Variants in CPE observed in about 807,000 individuals in gnomAD.
CPE encodes the protein carbocypeptidase E.
Under a neutral mutation model 53.5 loss-of-function variants are expected in CPE, and 17 were observed. The ratio of observed to expected loss-of-function variants is 0.32; its 90% CI spans 0.22 to 0.48. The LOEUF is 0.48. Ranked by LOEUF, CPE falls within the 20% of genes least tolerant of loss-of-function variation. The probability of loss-of-function intolerance (pLI) is 0.99; values close to 1 mark genes in which losing one functional copy is unlikely to be tolerated. For synonymous variants in CPE, 226 were observed against 228.8 expected (o/e 0.99, Z 0.11); for missense variants, 524 against 614.7 (o/e 0.85, Z 1.56).
chr4:165,495,523 A>T lies in CPE; in HGVS notation c.1214-36A>T, dbSNP rs776297054. 118 of 1,380,036 alleles carry T rather than the reference A, an allele frequency of 8.6e-5. No individual in the cohort carries two copies. In the Admixed American group the frequency reaches 1.1e-3, roughly 13 times the overall value. The allele number at this position is 1,380,036 out of a possible 1,614,324, so 85.5% of individuals were successfully genotyped here. A position where few individuals can be genotyped will look rare whatever the true frequency, so the allele number is the denominator to read the frequency against. Reference sequence around the variant, plus strand: ...TGCATTGTGTAATTCTGCATATTTCATGTGCTTTGTGATTTGATATTCTGC... The same window carrying T: ...TGCATTGTGTAATTCTGCATATTTCTTGTGCTTTGTGATTTGATATTCTGC... On this transcript the variant is annotated intron_variant, in intron 7 of 8. Coordinates refer to ENST00000402744, the MANE Select transcript of CPE (RefSeq NM_001873.4).
intron 1 of CPE, among the ~76,000 whole-genome samples, chr4:165,453,634 C>T (rs1013596604): frequency 6.6e-5 from 10 of 152,140 alleles, no homozygotes; most frequent in Admixed American, 3.3e-4. Context: ...ATCCTCCCGC[C>T]TTGGTTTCCC....
chr4:165,422,708 T>G (rs1731245964), intron 1 of CPE, among the ~76,000 whole-genome samples: 1 of 152,116 alleles, frequency 6.6e-6, no homozygotes, highest in African/African-American at 2.4e-5. Context: ...CCAGGTGCGG[T>G]GGCTCAGGCC....
intron 1 of CPE, among the ~76,000 whole-genome samples, chr4:165,429,221 G>A (rs1731369388): frequency 6.6e-6 from 1 of 152,138 alleles, no homozygotes; most frequent in Non-Finnish European, 1.5e-5. Context: ...GTTCAAGCAG[G>A]AGCTTCACTT....
chr4:165,496,947 G>T (rs1732713043), intron 8 of CPE, among the ~76,000 whole-genome samples: 1 of 152,098 alleles, frequency 6.6e-6, no homozygotes, highest in Non-Finnish European at 1.5e-5. Flanking sequence ...TTTTGAGACA[G>T]AGTCTTGCTC....
chr4:165,483,966 G>C (rs1381068002), intron 4 of CPE, among the ~76,000 whole-genome samples: 1 of 152,132 alleles, frequency 6.6e-6, no homozygotes. Flanking sequence ...TAAGAACACA[G>C]TGTATCAAAA....
chr4:165,381,002 T>C (rs1013213517), intron 1 of CPE, among the ~76,000 whole-genome samples: 2 of 152,216 alleles, frequency 1.3e-5, no homozygotes, highest in African/African-American at 4.8e-5. Context: ...TAGGCACAGT[T>C]AAAGCTAATG....
chr4:165,497,665 T>C lies in CPE; in HGVS notation c.*55T>C. On this transcript the variant is annotated 3_prime_UTR_variant, in exon 9 of 9. Coordinates refer to ENST00000402744, the MANE Select transcript of CPE (RefSeq NM_001873.4). ...ATCTATATAATGTAGTATGATGTAA[T>C]GTGGTCTTTTTTTTAGATTTTGTGC... The C allele has an allele frequency of 2.1e-6, 2 of 971,164 alleles. No individual in the cohort carries two copies. 60.2% of individuals were successfully genotyped at this position (971,164 alleles called of 1,614,324 possible).
chr4:165,386,047 C>G (rs1409304129), intron 1 of CPE, among the ~76,000 whole-genome samples: 1 of 152,152 alleles, frequency 6.6e-6, no homozygotes, highest in Non-Finnish European at 1.5e-5. Flanking sequence ...GACTTGAGCT[C>G]AAATCCTGAG....
rs554424672 is a variant in CPE at position 165,409,652 on chromosome 4, A to C, written c.307+30124A>C. Among the ~76,000 whole-genome samples the C allele has an allele frequency of 6.6e-5, 10 of 152,316 alleles. No individual in the cohort carries two copies. The East Asian group carries it at 1.9e-3, about 29-fold the overall frequency. On this transcript the variant is annotated intron_variant, in intron 1 of 8. Coordinates refer to ENST00000402744, the MANE Select transcript of CPE (RefSeq NM_001873.4). Reference sequence around the variant, plus strand: ...ATGAAATCTTGATAAAGAAAATATCAATAATAGCAGTATATCAATGCTTTC... The same window carrying C: ...ATGAAATCTTGATAAAGAAAATATCCATAATAGCAGTATATCAATGCTTTC...
At chr4:165,414,265 C>T (rs1300860074) in intron 1 of CPE, among the ~76,000 whole-genome samples, 4 of 152,114 alleles carry the variant, frequency 2.6e-5, no homozygotes, top group Non-Finnish European at 5.9e-5. Context: ...AACAGTTCTG[C>T]ATCTTTGGAT....
intron 1 of CPE, among the ~76,000 whole-genome samples, chr4:165,459,140 C>CT (rs1212675245): frequency 6.6e-6 from 1 of 152,128 alleles, no homozygotes; most frequent in Non-Finnish European, 1.5e-5. Flanking sequence ...TTTAAAGCTG[C>CT]TTTTTTACTG....
chr4:165,464,427 G>A lies in CPE; in HGVS notation c.345G>A (p.Gly115=). The A allele has an allele frequency of 6.2e-7, 1 of 1,612,458 alleles. No homozygotes were observed. The highest frequency in any genetic ancestry group is 8.5e-7 in the Non-Finnish European group (1 of 1,179,246). Residue 115 remains glycine (G), a synonymous_variant, in exon 2 of 9, where the codon GGG becomes GGA. Coordinates refer to ENST00000402744, the MANE Select transcript of CPE (RefSeq NM_001873.4). ...TTAAATACATTGGGAATATGCATGG[G>A]AATGAGGCTGTTGGACGAGAACTGC... ...PEFKYIGNMH[G]NEAVGRELLI... is the part of the protein sequence containing the mutation.
rs34514231 is a variant in CPE, at chr4:165,414,696, T to TAC, written c.307+35182_307+35183dup. On this transcript the variant is annotated intron_variant, in intron 1 of 8. Transcript: ENST00000402744. ...ATAGAGATAAAGTAATATATATATA[T>TAC]ACACACACACACACATACACACACA... Among the ~76,000 whole-genome samples the TAC allele has an allele frequency of 2.9e-3, 429 of 150,502 alleles. 2 individuals are homozygous for TAC. Among genetic ancestry groups the TAC allele is most frequent in the African/African-American group, 8.2e-3 (333 of 40,770 alleles).
intron 1 of CPE, among the ~76,000 whole-genome samples, chr4:165,396,887 A>AC (rs892505695): frequency 8.5e-5 from 5 of 58,558 alleles, no homozygotes; most frequent in South Asian, 1.2e-3. Flanking sequence ...CTGTCGCCAC[A>AC]AAAAAAAAAA....
At chr4:165,434,338 T>C (rs1731460347) in intron 1 of CPE, among the ~76,000 whole-genome samples, 1 of 152,164 alleles carries the variant, frequency 6.6e-6, no homozygotes, top group Non-Finnish European at 1.5e-5. Flanking sequence ...ATCTATAATG[T>C]GAACATTGAT....
Position 165,379,529 on chromosome 4 carries a change from G to A in CPE, c.307+1G>A. ...GACAACCCTGGCGTCCATGAGCCTG[G>A]TAAGGGCGCTGCCCCCTGACAGCCC... On this transcript the variant is annotated splice_donor_variant, in intron 1 of 8. Coordinates refer to ENST00000402744, the MANE Select transcript of CPE (RefSeq NM_001873.4). LOFTEE classifies it high-confidence loss of function. This position sits in a 1 kb window ranked among gnomAD's most constrained non-coding sequence, Gnocchi z 6.0. The A allele has an allele frequency of 7.1e-7, 1 of 1,403,392 alleles. No individual in the cohort carries two copies. Among genetic ancestry groups the A allele is most frequent in the South Asian group, 1.2e-5 (1 of 84,694 alleles). 86.9% of individuals were successfully genotyped at this position (1,403,392 alleles called of 1,614,324 possible). A position where few individuals can be genotyped will look rare whatever the true frequency, so the allele number is the denominator to read the frequency against.
chr4:165,381,095 C>T (rs1442256926), intron 1 of CPE, among the ~76,000 whole-genome samples: 1 of 152,008 alleles, frequency 6.6e-6, no homozygotes, highest in Non-Finnish European at 1.5e-5. Context: ...GAGTTTTTTG[C>T]GTTGTTACTT....
At position 165,492,625 on chromosome 4, in the gene CPE, A is replaced by G. The variant is rs1732627942; in HGVS notation, c.1114-546A>G. Among the ~76,000 whole-genome samples, 3 of 152,156 alleles carry G rather than the reference A, an allele frequency of 2.0e-5. No homozygotes were observed. The South Asian group carries it at 6.2e-4, about 32-fold the overall frequency. On this transcript the variant is annotated intron_variant, in intron 6 of 8. Transcript: ENST00000402744. ...GGGACCGCATGAGAGGGTCGTGATC[A>G]ATTGAGCAAGCAGGGGGTACGTGAC...
At chr4:165,437,287 C>A (rs1206135340) in intron 1 of CPE, among the ~76,000 whole-genome samples, 1 of 152,166 alleles carries the variant, frequency 6.6e-6, no homozygotes, top group African/African-American at 2.4e-5. Flanking sequence ...TGCCTCAACG[C>A]AGGAGAAATT....
Sources: gnomAD v4.1 joint callset for allele counts (sites outside exome capture counted in the v4.1 genomes callset) on GRCh38, gnomAD v4.1.1 for gene constraint, Gnocchi (gnomAD v3.1) non-coding constraint, MANE v1.5 for transcripts, NCBI Gene and HGNC (gene_info 2026-07-23, HGNC 2026-07-21) for gene names.